Variants in SEMA6D observed in about 807,000 individuals in gnomAD.
The protein encoded by SEMA6D is semaphorin-6D.
A neutral mutation model predicts 106.6 loss-of-function variants in SEMA6D; 35 were observed. That is an observed-to-expected ratio of 0.33 (90% CI 0.25 to 0.44). The LOEUF (loss-of-function observed/expected upper bound fraction) is 0.44. Ranked by LOEUF, SEMA6D falls within the 20% of genes least tolerant of loss-of-function variation. The probability of loss-of-function intolerance (pLI) is 1.00; values close to 1 mark genes in which losing one functional copy is unlikely to be tolerated. For synonymous variants in SEMA6D, 499 were observed against 487.7 expected, an observed-to-expected ratio of 1.02 and a Z score of -0.31; for missense variants, 1,185 against 1,345.9, an observed-to-expected ratio of 0.88 and a Z score of 1.87.
At chr15:47,418,921 G>C (rs1010687524) in intron 2 of SEMA6D, among the ~76,000 whole-genome samples, 3 of 152,164 alleles carry the variant, frequency 2.0e-5, no homozygotes, top group African/African-American at 7.2e-5. Context: ...ATTAGACTGC[G>C]TAAGTGCAAG....
chr15:47,206,998 A>G (rs562913938), intron 1 of SEMA6D, among the ~76,000 whole-genome samples: 1 of 152,270 alleles, frequency 6.6e-6, no homozygotes, highest in African/African-American at 2.4e-5. Flanking sequence ...AAAACCTACC[A>G]CTACTCATGA....
chr15:47,771,560 A>T lies in SEMA6D; in HGVS notation c.2997A>T (p.Gly999=). ...GACAGCCTAGTATGAACCGTGGAGG[A>T]TATATGCCCACCCCCACTGGGGCGA... is the stretch of plus-strand genomic sequence containing the variant. ...LSRQPSMNRG[G]YMPTPTGAKV... Residue 999 remains glycine (G), a synonymous_variant, in exon 19 of 19, where the codon GGA becomes GGT. Transcript: ENST00000536845. 1 of 1,614,112 alleles carries T rather than the reference A, an allele frequency of 6.2e-7. No individual in the cohort carries two copies. Among genetic ancestry groups the T allele is most frequent in the Non-Finnish European group, 8.5e-7 (1 of 1,179,980 alleles).
chr15:47,433,324 GTATTTATA>G lies in SEMA6D; in HGVS notation c.-159+20873_-159+20880del, dbSNP rs528230687. ...ATTGATCTAGAGGCATTATCGCCAA[GTATTTATA>G]TATTTATATATTTATATATTAGACA... On this transcript the variant is annotated intron_variant, in intron 2 of 19. Transcript: ENST00000558014. Among the ~76,000 whole-genome samples the G allele has an allele frequency of 3.4e-4, 52 of 151,608 alleles. No individual in the cohort carries two copies. In the East Asian group the frequency reaches 7.0e-3, roughly 20 times the overall value.
chr15:47,713,626 G>A (rs2079059735), upstream of SEMA6D, among the ~76,000 whole-genome samples: 2 of 152,208 alleles, frequency 1.3e-5, no homozygotes, highest in Admixed American at 6.5e-5. Flanking sequence ...AGTAATCACA[G>A]AAGCTGCAGC....
intron 1 of SEMA6D, among the ~76,000 whole-genome samples, chr15:47,243,398 A>G (rs920780587): frequency 6.6e-6 from 1 of 150,988 alleles, no homozygotes; most frequent in Admixed American, 6.6e-5. Flanking sequence ...CAATTTGACT[A>G]TGTTTTTCAT....
intron 2 of SEMA6D, among the ~76,000 whole-genome samples, chr15:47,463,606 G>T (rs534189450): frequency 6.6e-6 from 1 of 152,286 alleles, no homozygotes; most frequent in South Asian, 2.1e-4. Flanking sequence ...GGGAATCCCC[G>T]TGGGGCCCAA....
At chr15:47,250,330 G>A (rs2033442226) in intron 1 of SEMA6D, among the ~76,000 whole-genome samples, 1 of 150,548 alleles carries the variant, frequency 6.6e-6, no homozygotes, top group Non-Finnish European at 1.5e-5. Flanking sequence ...AGCATTAAAA[G>A]AGAGAGAGAG....
At chr15:47,636,947 G>A (rs2077399806) in intron 4 of SEMA6D, among the ~76,000 whole-genome samples, 1 of 152,188 alleles carries the variant, frequency 6.6e-6, no homozygotes, top group Admixed American at 6.5e-5. Flanking sequence ...AACACACTTA[G>A]TAGGTTAGTA....
intron 4 of SEMA6D, among the ~76,000 whole-genome samples, chr15:47,608,186 T>G (rs2164371): frequency 6.6e-6 from 1 of 151,936 alleles, no homozygotes; most frequent in African/African-American, 2.4e-5. Flanking sequence ...AGGAACATGA[T>G]GGTAATTTAC....
chr15:47,339,733 C>T (rs2037732542), intron 1 of SEMA6D, among the ~76,000 whole-genome samples: 1 of 152,036 alleles, frequency 6.6e-6, no homozygotes, highest in Non-Finnish European at 1.5e-5. Flanking sequence ...GTGTCACATG[C>T]CTGTAGTCCC....
At chr15:47,374,058 C>G (rs1466724729) in intron 1 of SEMA6D, among the ~76,000 whole-genome samples, 2 of 152,160 alleles carry the variant, frequency 1.3e-5, no homozygotes, top group Non-Finnish European at 2.9e-5. Flanking sequence ...TGGACATGCA[C>G]TAGGGCAAAG....
chr15:47,671,338 T>C (rs2078133229), intron 4 of SEMA6D, among the ~76,000 whole-genome samples: 1 of 152,198 alleles, frequency 6.6e-6, no homozygotes. Context: ...TACAAAGTGA[T>C]GCAGTCTAGT....
intron 4 of SEMA6D, among the ~76,000 whole-genome samples, chr15:47,633,906 A>G (rs1212597028): frequency 5.3e-5 from 8 of 152,028 alleles, no homozygotes; most frequent in Non-Finnish European, 1.2e-4. Flanking sequence ...TCTCCACTCT[A>G]CTACTGAGCC....
At chr15:47,428,894 G>C (rs2041432595) in intron 2 of SEMA6D, among the ~76,000 whole-genome samples, 1 of 150,422 alleles carries the variant, frequency 6.6e-6, no homozygotes, top group African/African-American at 2.4e-5. Context: ...TGGATAAATA[G>C]AAAAGAAAAG....
intron 3 of SEMA6D, among the ~76,000 whole-genome samples, chr15:47,487,165 A>G (rs1421797085): frequency 6.6e-6 from 1 of 152,244 alleles, no homozygotes; most frequent in East Asian, 1.9e-4. Context: ...TGAAAGGGAA[A>G]CAGCCTAGAT....
chr15:47,357,865 C>T (rs2038649788), intron 1 of SEMA6D, among the ~76,000 whole-genome samples: 1 of 152,182 alleles, frequency 6.6e-6, no homozygotes. Context: ...GAGACTGAAA[C>T]ATTTTCACTC....
chr15:47,583,344 T>G (rs543935537), intron 3 of SEMA6D, among the ~76,000 whole-genome samples: 1 of 152,334 alleles, frequency 6.6e-6, no homozygotes, highest in Admixed American at 6.5e-5. Context: ...AATGAAGGAC[T>G]GTAGCTGGAG....
intron 2 of SEMA6D, among the ~76,000 whole-genome samples, chr15:47,427,962 G>A (rs375298397): frequency 6.6e-6 from 1 of 151,804 alleles, no homozygotes; most frequent in South Asian, 2.1e-4. Flanking sequence ...AATAGAATGG[G>A]GTATACGAAA....
rs187229599 is a variant in SEMA6D at position 47,291,753 on chromosome 15, T to C, written c.-239+107335T>C. ...TCTTCAACATTATTACAGAAAGTTA[T>C]TTTTATCATCATAATGTTTTGATAA... On this transcript the variant is annotated intron_variant, in intron 1 of 19. Transcript: ENST00000558014. 2.4e-3 allele frequency among the ~76,000 whole-genome samples: 365 copies of C among 152,354 alleles called. 5 individuals carry two copies. Among genetic ancestry groups the C allele is most frequent in the East Asian group, 1.2e-3 (6 of 5,184 alleles).
Sources: allele counts gnomAD v4.1 joint callset (sites outside exome capture counted in the v4.1 genomes callset), GRCh38; gene constraint gnomAD v4.1.1; transcripts MANE v1.5; gene names NCBI Gene and HGNC (gene_info 2026-07-23, HGNC 2026-07-21).